Variants in ADGRA3 observed in about 807,000 individuals in gnomAD.
ADGRA3 encodes the protein adhesion G protein-coupled receptor A3, also known as G-protein coupled receptor 125.
ADGRA3 carries 56 observed loss-of-function variants against 119.8 expected under a neutral mutation model. The ratio of observed to expected loss-of-function variants is 0.47; its 90% CI spans 0.38 to 0.58. ADGRA3 has a LOEUF of 0.58. ADGRA3 is among the 20% of genes least tolerant of loss of function. The probability of loss-of-function intolerance (pLI) is 0.00; values close to 1 mark genes in which losing one functional copy is unlikely to be tolerated. For missense variants in ADGRA3, 1,516 were observed against 1,649.0 expected (o/e 0.92, Z 1.40); for synonymous variants, 607 against 623.8 (o/e 0.97, Z 0.40).
In ADGRA3 at chr4:22,408,731, T is replaced by C. The variant is rs141177769; in HGVS notation, c.2232+4451A>G. 2.1e-3 allele frequency among the ~76,000 whole-genome samples: 324 copies of C among 152,286 alleles called. 1 individual carries two copies. Among genetic ancestry groups the C allele is most frequent in the Middle Eastern group, 6.8e-3 (2 of 294 alleles). On this transcript the variant is annotated intron_variant, in intron 14 of 18. Coordinates refer to ENST00000334304, the MANE Select transcript of ADGRA3 (RefSeq NM_145290.4). ...ACCACTTTGGTCAACTGCATGGCTT[T>C]AGCTACTTAAAGCTAAACACATGGA...
chr4:22,388,408 T>C lies in ADGRA3; in HGVS notation c.3263A>G (p.Lys1088Arg), dbSNP rs1002678197. 10 of 1,613,904 alleles carry C rather than the reference T, an allele frequency of 6.2e-6. No individual in the cohort carries two copies. The highest frequency in any genetic ancestry group is 3.3e-5 in the South Asian group (3 of 91,072). ...NSNGTNGEAP[K>R]CPNSSAESSC... ...AGACTCCGCACTGCTATTGGGGCATTTGGGTGCCTCTCCATTCGTCCCATT... is the reference window on the plus strand; with the variant it reads ...AGACTCCGCACTGCTATTGGGGCATCTGGGTGCCTCTCCATTCGTCCCATT... The change falls in exon 19 of 19, where the codon AAA (lysine) becomes AGA (arginine). Residue 1088 changes from lysine (K) to arginine (R), a missense_variant. Lys to Arg is a conservative substitution (Grantham distance 26). Coordinates refer to ENST00000334304, the MANE Select transcript of ADGRA3 (RefSeq NM_145290.4).
chr4:22,487,062 T>C (rs1303159503), intron 1 of ADGRA3, among the ~76,000 whole-genome samples: 1 of 152,188 alleles, frequency 6.6e-6, no homozygotes, highest in Non-Finnish European at 1.5e-5. Flanking sequence ...TTGTGCTCTC[T>C]CCTGAAAAGG....
intron 1 of ADGRA3, among the ~76,000 whole-genome samples, chr4:22,514,189 T>C (rs1394199297): frequency 6.6e-6 from 1 of 152,064 alleles, no homozygotes; most frequent in Non-Finnish European, 1.5e-5. Context: ...TCCTCCAACA[T>C]TGGGATTTTC....
intron 7 of ADGRA3, among the ~76,000 whole-genome samples, chr4:22,441,385 T>C (rs1251943164): frequency 1.3e-5 from 2 of 152,174 alleles, no homozygotes; most frequent in African/African-American, 4.8e-5. Flanking sequence ...TTTAGGAGAA[T>C]ATAACAGAAT....
chr4:22,392,820 T>C (rs1714192160), intron 16 of ADGRA3, 130 bp from the exon 17 acceptor site: 1 of 747,544 alleles, frequency 1.3e-6, no homozygotes, highest in African/African-American at 1.8e-5. Flanking sequence ...ATCAACTCTG[T>C]TGCCTGCTAA....
chr4:22,410,956 G>A (rs1715175235), intron 14 of ADGRA3, among the ~76,000 whole-genome samples: 1 of 152,134 alleles, frequency 6.6e-6, no homozygotes, highest in Non-Finnish European at 1.5e-5. Context: ...GAGATTAAAA[G>A]TCTGAAAGAT....
chr4:22,423,120 G>A (rs1388694782), intron 11 of ADGRA3, among the ~76,000 whole-genome samples: 2 of 151,840 alleles, frequency 1.3e-5, no homozygotes, highest in Non-Finnish European at 2.9e-5. Flanking sequence ...GCTTGAACAC[G>A]GGTGGCGGAG....
intron 1 of ADGRA3, among the ~76,000 whole-genome samples, chr4:22,484,462 G>A (rs576724191): frequency 1.3e-5 from 2 of 152,068 alleles, no homozygotes; most frequent in South Asian, 2.1e-4. Flanking sequence ...AAAATTATCC[G>A]GGCGTGTTGG....
rs373825830 is a variant in ADGRA3, at chr4:22,490,196, T to C, written c.258-16353A>G. On this transcript the variant is annotated intron_variant, in intron 1 of 18. Transcript: ENST00000334304. ...TTAAATAGCATTTCGTTAAGAAAAA[T>C]TGAAGCGTTTTTAATGCCATAGTAG... Among the ~76,000 whole-genome samples, 7 of 152,302 alleles carry C rather than the reference T, an allele frequency of 4.6e-5. No homozygotes were observed. The South Asian group carries it at 6.2e-4, about 14-fold the overall frequency.
intron 1 of ADGRA3, among the ~76,000 whole-genome samples, chr4:22,485,838 T>C (rs1718416516): frequency 6.6e-6 from 1 of 152,212 alleles, no homozygotes; most frequent in African/African-American, 2.4e-5. Flanking sequence ...CTAAGCTAAA[T>C]GGCCTTGTTG....
At chr4:22,504,586 C>T (rs1018019779) in intron 1 of ADGRA3, among the ~76,000 whole-genome samples, 1 of 152,084 alleles carries the variant, frequency 6.6e-6, no homozygotes, top group African/African-American at 2.4e-5. Context: ...AGTCGTTTTT[C>T]CTGGCTTCTA....
chr4:22,426,250 C>T (rs1432188068), intron 10 of ADGRA3, among the ~76,000 whole-genome samples: 3 of 152,150 alleles, frequency 2.0e-5, no homozygotes, highest in South Asian at 2.1e-4. Flanking sequence ...TCCCACTCTC[C>T]CCAGCTTGAT....
At chr4:22,401,367 A>T in intron 16 of ADGRA3, 64 bp downstream of exon 16, 5 of 1,415,532 alleles carry the variant, frequency 3.5e-6, no homozygotes, top group Admixed American at 4.4e-5. Flanking sequence ...TTCTTTTTAT[A>T]GTTAATGAAA....
intron 16 of ADGRA3, 65 bp from the exon 17 acceptor site, chr4:22,392,755 T>C (rs1037152245): frequency 3.5e-6 from 5 of 1,441,798 alleles, no homozygotes; most frequent in East Asian, 4.7e-5. Context: ...TACCTCAAAA[T>C]TGGTAAGTAA....
At chr4:22,415,953 A>T (rs1715412393) in intron 12 of ADGRA3, among the ~76,000 whole-genome samples, 2 of 152,182 alleles carry the variant, frequency 1.3e-5, no homozygotes, top group African/African-American at 4.8e-5. Flanking sequence ...CAAGTCCAAT[A>T]CAAACATTAC....
chr4:22,499,760 A>C (rs1718984382), intron 1 of ADGRA3, among the ~76,000 whole-genome samples: 1 of 152,192 alleles, frequency 6.6e-6, no homozygotes, highest in Non-Finnish European at 1.5e-5. Context: ...CCTAAGTATA[A>C]ATGCCATTGG....
intron 7 of ADGRA3, among the ~76,000 whole-genome samples, chr4:22,442,332 G>A (rs766816565): frequency 6.6e-5 from 10 of 152,024 alleles, no homozygotes; most frequent in Non-Finnish European, 1.3e-4. Flanking sequence ...AAGAGAAAAT[G>A]TAAGCTTAGC....
Position 22,447,190 on chromosome 4 carries a change from T to A in ADGRA3, c.545+250A>T, listed in dbSNP as rs1434443288. Among the ~76,000 whole-genome samples the A allele has an allele frequency of 5.3e-5, 8 of 152,222 alleles. No homozygotes were observed. The East Asian group carries it at 1.2e-3, about 22-fold the overall frequency. On this transcript the variant is annotated intron_variant, in intron 5 of 18. Coordinates refer to ENST00000334304, the MANE Select transcript of ADGRA3 (RefSeq NM_145290.4). ...TGAAAAAAAAGTCAAAAAGAAACAATTACCAGTTTACTTACTCTAAATATA... is the reference window on the plus strand; with the variant it reads ...TGAAAAAAAAGTCAAAAAGAAACAAATACCAGTTTACTTACTCTAAATATA...
intron 1 of ADGRA3, among the ~76,000 whole-genome samples, chr4:22,511,560 T>G (rs1337838569): frequency 6.6e-6 from 1 of 152,140 alleles, no homozygotes; most frequent in Non-Finnish European, 1.5e-5. Context: ...AAAAAAAAAT[T>G]ATATCCCATC....
Sources: allele counts gnomAD v4.1 joint callset (sites outside exome capture counted in the v4.1 genomes callset), GRCh38; gene constraint gnomAD v4.1.1; transcripts MANE v1.5; gene names NCBI Gene and HGNC (gene_info 2026-07-23, HGNC 2026-07-21).